Variants in ABCA5 observed in about 807,000 individuals in gnomAD.
ABCA5 encodes cholesterol transporter ABCA5.
In ABCA5, 163 loss-of-function variants were observed where a neutral mutation model predicts 206.0. The observed-to-expected ratio is 0.79, with a 90% CI of 0.70 to 0.90. ABCA5 has a LOEUF of 0.90. ABCA5 is among the 40% of genes least tolerant of loss of function. ABCA5 has a pLI of 0.00. For synonymous variants in ABCA5, 609 were observed against 613.8 expected (o/e 0.99, Z 0.11); for missense variants, 1,859 against 1,912.9 (o/e 0.97, Z 0.53).
rs956839894 is a variant in ABCA5, at chr17:69,315,995, A to G, written c.-15-1565T>C. Among the ~76,000 whole-genome samples, 4 of 152,282 alleles carry G rather than the reference A, an allele frequency of 2.6e-5. No individual in the cohort carries two copies. In the East Asian group the frequency reaches 7.7e-4, roughly 29 times the overall value. ...AGCAGAATCAAATGGAAATTTTAGA[A>G]CACAAAAACACAATAAGAAATAAAT... On this transcript the variant is annotated intron_variant, in intron 1 of 38. Transcript: ENST00000392676.
chr17:69,248,466 T>C (rs1247820866), intron 37 of ABCA5, 149 bp from the exon 38 acceptor site: 2 of 527,794 alleles, frequency 3.8e-6, no homozygotes, highest in East Asian at 6.6e-5. Flanking sequence ...TCCCGCTTAC[T>C]TCCTTTCTCT....
intron 5 of ABCA5, 63 bp from the exon 6 acceptor site, chr17:69,307,017 C>T (rs947602252): frequency 1.8e-5 from 22 of 1,202,858 alleles, no homozygotes; most frequent in African/African-American, 4.7e-5. Flanking sequence ...CCTAGTAAAA[C>T]GGGACAGCTA....
intron 5 of ABCA5, 22 bp from the exon 6 acceptor site, chr17:69,306,976 A>G: frequency 6.8e-7 from 1 of 1,477,120 alleles, no homozygotes; most frequent in African/African-American, 1.4e-5. Context: ...AAATGTAAAT[A>G]CATCAAATTA....
chr17:69,298,140 C>G (rs981723578), intron 9 of ABCA5, among the ~76,000 whole-genome samples: 5 of 151,294 alleles, frequency 3.3e-5, no homozygotes, highest in South Asian at 2.1e-4. Flanking sequence ...GAGCTGTGAT[C>G]GTGCCACTGC....
chr17:69,298,314 G>GGC (rs201443086), intron 9 of ABCA5, among the ~76,000 whole-genome samples: 1 of 132,200 alleles, frequency 7.6e-6, no homozygotes, highest in Admixed American at 8.0e-5. Context: ...GAAAGAGAGA[G>GGC]AGAGGAAGGA....
chr17:69,303,785 A>C, intron 7 of ABCA5, among the ~76,000 whole-genome samples: 1 of 4,742 alleles, frequency 2.1e-4, no homozygotes, highest in African/African-American at 2.4e-4. Context: ...AAAAAAAAAA[A>C]ATATATATAT....
chr17:69,319,478 A>T (rs1186006205), intron 1 of ABCA5, among the ~76,000 whole-genome samples: 1 of 152,156 alleles, frequency 6.6e-6, no homozygotes, highest in Non-Finnish European at 1.5e-5. Flanking sequence ...TTTTTAAAGC[A>T]AAACTAAACC....
Position 69,247,370 on chromosome 17 carries a change from A to T in ABCA5, c.*167T>A, listed in dbSNP as rs2074962734. ...CTTAATTATACATACGTTTTATTTA[A>T]AGAAAAGCAAAACACACAACCACAG... On this transcript the variant is annotated 3_prime_UTR_variant, in exon 39 of 39. Coordinates refer to ENST00000392676, the MANE Select transcript of ABCA5 (RefSeq NM_172232.4). 1.1e-5 allele frequency: 6 copies of T among 546,106 alleles called. No homozygotes were observed. The highest frequency in any genetic ancestry group is 1.9e-5 in the Non-Finnish European group (6 of 312,392). The allele number at this position is 546,106 out of a possible 1,614,324, so 33.8% of individuals were successfully genotyped here. A position where few individuals can be genotyped will look rare whatever the true frequency, so the allele number is the denominator to read the frequency against.
At chr17:69,280,351 T>TTA (rs2144959199) in intron 18 of ABCA5, among the ~76,000 whole-genome samples, 1 of 152,068 alleles carries the variant, frequency 6.6e-6, no homozygotes, top group East Asian at 1.9e-4. Context: ...CTCACACCAG[T>TTA]TAGAATGGCA....
At chr17:69,249,471 T>C (rs1216127010) in intron 37 of ABCA5, 1 of 159,462 alleles carries the variant, frequency 6.3e-6, no homozygotes, top group East Asian at 1.8e-4. Context: ...CTTGATAGTG[T>C]TGCTACTTCT....
chr17:69,279,407 T>G (rs951592456), intron 18 of ABCA5, among the ~76,000 whole-genome samples: 1 of 152,050 alleles, frequency 6.6e-6, no homozygotes, highest in Non-Finnish European at 1.5e-5. Flanking sequence ...GGAAGAACAT[T>G]CCATGCTCAT....
intron 15 of ABCA5, 131 bp from the exon 16 acceptor site, chr17:69,286,442 G>C: frequency 1.3e-6 from 1 of 780,976 alleles, no homozygotes; most frequent in East Asian, 2.8e-5. Flanking sequence ...AAAGTCTTAT[G>C]AGGATGGTAC....
intron 28 of ABCA5, 92 bp downstream of exon 28, chr17:69,259,614 G>T: frequency 3.6e-6 from 3 of 839,664 alleles, no homozygotes; most frequent in South Asian, 2.0e-5. Context: ...TTTTTGGAGT[G>T]CTGGAAATGT....
At chr17:69,283,112 G>C (rs1394131772) in intron 18 of ABCA5, among the ~76,000 whole-genome samples, 2 of 150,310 alleles carry the variant, frequency 1.3e-5, no homozygotes, top group East Asian at 4.0e-4. Context: ...GCAGCCTCTA[G>C]AGTAGTTGGG....
At chr17:69,247,851 T>A (rs1674324264) in intron 38 of ABCA5, among the ~76,000 whole-genome samples, 2 of 152,066 alleles carry the variant, frequency 1.3e-5, no homozygotes, top group Non-Finnish European at 2.9e-5. Flanking sequence ...ATATGTTTTT[T>A]AAAAAATAAT....
At chr17:69,315,588 G>C (rs1339241963) in intron 1 of ABCA5, among the ~76,000 whole-genome samples, 1 of 152,076 alleles carries the variant, frequency 6.6e-6, no homozygotes, top group Admixed American at 6.6e-5. Context: ...TTTGAGACCA[G>C]CCTGACCAAC....
At chr17:69,267,024 A>G (rs1050644137) in intron 23 of ABCA5, among the ~76,000 whole-genome samples, 4 of 151,640 alleles carry the variant, frequency 2.6e-5, no homozygotes, top group African/African-American at 9.7e-5. Flanking sequence ...ACAGGCATGC[A>G]CCACCACGCC....
intron 22 of ABCA5, among the ~76,000 whole-genome samples, chr17:69,268,301 TCA>T (rs1386307153): frequency 1.3e-5 from 2 of 152,276 alleles, no homozygotes; most frequent in South Asian, 2.1e-4. Context: ...CATTTTACTT[TCA>T]TTTTCCTGTC....
At chr17:69,290,897 CAAAT>C (rs1427509236) in intron 12 of ABCA5, among the ~76,000 whole-genome samples, 1 of 152,048 alleles carries the variant, frequency 6.6e-6, no homozygotes, top group African/African-American at 2.4e-5. Context: ...TTCTCAACCT[CAAAT>C]AGTCTATAGT....
Sources: gnomAD v4.1 joint callset for allele counts (sites outside exome capture counted in the v4.1 genomes callset) on GRCh38, gnomAD v4.1.1 for gene constraint, MANE v1.5 for transcripts, NCBI Gene and HGNC (gene_info 2026-07-23, HGNC 2026-07-21) for gene names.